Variants in PACRG observed in about 807,000 individuals in gnomAD.
PACRG encodes the protein parkin coregulated gene protein.
In PACRG, 29 loss-of-function variants were observed where a neutral mutation model predicts 29.7. The observed-to-expected ratio is 0.98, with a 90% CI of 0.73 to 1.33. The LOEUF is 1.33. Ranked by LOEUF, PACRG falls within the 40% of genes most tolerant of loss-of-function variation. The probability of loss-of-function intolerance (pLI) is 0.00; values close to 1 mark genes in which losing one functional copy is unlikely to be tolerated. For missense variants in PACRG, 279 were observed against 316.2 expected (o/e 0.88, Z 0.89); for synonymous variants, 116 against 118.7 (o/e 0.98, Z 0.15).
intron 4 of PACRG, among the ~76,000 whole-genome samples, chr6:163,118,141 A>G (rs951460069): frequency 1.3e-5 from 2 of 152,256 alleles, no homozygotes; most frequent in Admixed American, 6.5e-5. Flanking sequence ...CTCAGAGCAC[A>G]CTGACTGCCA....
At position 163,315,064 on chromosome 6, in the gene PACRG, C is replaced by G. The variant is rs1785596979; in HGVS notation, c.*77C>G. 6.8e-7 allele frequency: 1 copy of G among 1,480,838 alleles called. No homozygotes were observed. 91.7% of individuals were successfully genotyped at this position (1,480,838 alleles called of 1,614,324 possible). A position where few individuals can be genotyped will look rare whatever the true frequency, so the allele number is the denominator to read the frequency against. On this transcript the variant is annotated 3_prime_UTR_variant, in exon 5 of 5. Transcript: ENST00000366888. Reference sequence around the variant, plus strand: ...TCTCTGTTGCTTTTAGCATCTCATTCCTTGTGACTTCCACAGCTTTCTTTT... The same window carrying G: ...TCTCTGTTGCTTTTAGCATCTCATTGCTTGTGACTTCCACAGCTTTCTTTT...
intron 1 of PACRG, among the ~76,000 whole-genome samples, chr6:162,785,850 TG>T (rs572893798): frequency 4.8e-4 from 73 of 152,242 alleles, no homozygotes; most frequent in African/African-American, 1.7e-3. Context: ...GCCCAGGGAT[TG>T]GGGACCCCTA....
intron 2 of PACRG, among the ~76,000 whole-genome samples, chr6:163,026,144 A>G (rs1246516889): frequency 6.6e-6 from 1 of 152,190 alleles, no homozygotes; most frequent in South Asian, 2.1e-4. Context: ...TAACCATTAA[A>G]CTACAGCCTT....
intron 2 of PACRG, chr6:162,997,647 C>T: frequency 4.2e-6 from 1 of 240,838 alleles, no homozygotes; most frequent in South Asian, 4.1e-5. Context: ...CAGATAAACT[C>T]ACTAGATTAT....
At chr6:162,911,680 A>C (rs190597459) in intron 2 of PACRG, among the ~76,000 whole-genome samples, 1 of 152,280 alleles carries the variant, frequency 6.6e-6, no homozygotes, top group East Asian at 1.9e-4. Context: ...TTTACTTGTT[A>C]CTGGCAAATT....
At chr6:163,063,338 G>A (rs373109407) in intron 3 of PACRG, among the ~76,000 whole-genome samples, 2 of 152,040 alleles carry the variant, frequency 1.3e-5, no homozygotes, top group South Asian at 2.1e-4. Flanking sequence ...CCCGCCCCAA[G>A]TTCTACCTCA....
chr6:162,819,085 G>C (rs371037899), intron 2 of PACRG, among the ~76,000 whole-genome samples: 1 of 152,112 alleles, frequency 6.6e-6, no homozygotes, highest in African/African-American at 2.4e-5. Context: ...GCCTTTCTGC[G>C]TTCTTGTTTT....
At chr6:162,973,125 T>C (rs1252663389) in intron 2 of PACRG, among the ~76,000 whole-genome samples, 2 of 152,220 alleles carry the variant, frequency 1.3e-5, no homozygotes, top group East Asian at 3.9e-4. Flanking sequence ...AAAGTGATGC[T>C]GATGTTGGTG....
chr6:162,766,002 A>G (rs1584284459), intron 1 of PACRG, among the ~76,000 whole-genome samples: 1 of 152,184 alleles, frequency 6.6e-6, no homozygotes, highest in East Asian at 1.9e-4. Flanking sequence ...AGATATGTGG[A>G]TACACTGGAA....
At chr6:162,785,078 T>A (rs547958007) in intron 1 of PACRG, among the ~76,000 whole-genome samples, 3 of 152,140 alleles carry the variant, frequency 2.0e-5, no homozygotes, top group South Asian at 4.1e-4. Context: ...AAAGCAGATT[T>A]TATATATATG....
intron 4 of PACRG, chr6:163,313,006 T>C (rs137989879): frequency 1.3e-5 from 3 of 223,190 alleles, no homozygotes; most frequent in Non-Finnish European, 2.7e-5. Context: ...TCCTCCCACA[T>C]CAGCCTCCCA....
chr6:162,937,088 G>A (rs1254469152), intron 2 of PACRG, among the ~76,000 whole-genome samples: 1 of 152,198 alleles, frequency 6.6e-6, no homozygotes, highest in Non-Finnish European at 1.5e-5. Context: ...CAAAAGAAAG[G>A]TCTAGACTGA....
chr6:163,190,828 C>A, intron 4 of PACRG: 1 of 379,080 alleles, frequency 2.6e-6, no homozygotes, highest in Non-Finnish European at 5.3e-6. Flanking sequence ...TTAACAACTT[C>A]GTCTTCTTTC....
intron 2 of PACRG, among the ~76,000 whole-genome samples, chr6:162,935,785 G>T (rs1182632840): frequency 1.3e-5 from 2 of 151,990 alleles, no homozygotes. Flanking sequence ...ATTTCTTTCT[G>T]AGAAATTAGA....
At chr6:162,884,797 A>G (rs981573784) in intron 2 of PACRG, among the ~76,000 whole-genome samples, 2 of 152,148 alleles carry the variant, frequency 1.3e-5, no homozygotes, top group African/African-American at 2.4e-5. Context: ...CCAGCTCCCC[A>G]ATGATAAACC....
intron 2 of PACRG, among the ~76,000 whole-genome samples, chr6:163,011,167 G>C (rs1805578355): frequency 6.6e-6 from 1 of 152,176 alleles, no homozygotes; most frequent in African/African-American, 2.4e-5. Context: ...CAGGAGTGGA[G>C]ACCTTCCTCC....
intron 2 of PACRG, among the ~76,000 whole-genome samples, chr6:163,045,815 C>T (rs969520395): frequency 6.6e-6 from 1 of 151,682 alleles, no homozygotes; most frequent in Non-Finnish European, 1.5e-5. Context: ...GGGGTTTCAC[C>T]ATGTTGGCCA....
chr6:162,843,824 C>A (rs1236287381), intron 2 of PACRG, among the ~76,000 whole-genome samples: 1 of 30,286 alleles, frequency 3.3e-5, no homozygotes, highest in Non-Finnish European at 6.1e-5. Context: ...ACAGACAGGA[C>A]CCTCAGCTGC....
intron 1 of PACRG, among the ~76,000 whole-genome samples, chr6:162,763,511 G>A (rs1306601855): frequency 1.3e-5 from 2 of 152,230 alleles, no homozygotes; most frequent in Non-Finnish European, 2.9e-5. Context: ...CTATCATAAA[G>A]TCACAACCCT....
Sources: allele counts gnomAD v4.1 joint callset (sites outside exome capture counted in the v4.1 genomes callset), GRCh38; gene constraint gnomAD v4.1.1; transcripts MANE v1.5; gene names NCBI Gene and HGNC (gene_info 2026-07-23, HGNC 2026-07-21).